CSMD1: variants seen among roughly 807,000 people sequenced by gnomAD.
CSMD1 encodes the protein CUB and Sushi multiple domains 1.
CSMD1 carries 213 observed loss-of-function variants against 417.5 expected under a neutral mutation model. That is an observed-to-expected ratio of 0.51 (90% CI 0.46 to 0.57). CSMD1 has a LOEUF of 0.57. Ranked by LOEUF, CSMD1 falls within the 20% of genes least tolerant of loss-of-function variation. CSMD1 has a pLI of 0.00. For missense variants in CSMD1, 6,923 were observed against 4,529.7 expected (o/e 1.53, Z -15.17); for synonymous variants, 2,862 against 1,736.8 (o/e 1.65, Z -16.11).
intron 25 of CSMD1, among the ~76,000 whole-genome samples, chr8:3,300,505 C>T (rs1055992822): frequency 1.3e-5 from 2 of 152,058 alleles, no homozygotes; most frequent in African/African-American, 4.8e-5. Context: ...AAATGACTGA[C>T]TCTGCTTTAT....
At chr8:3,962,621 G>C (rs1323028148) in intron 5 of CSMD1, among the ~76,000 whole-genome samples, 1 of 152,124 alleles carries the variant, frequency 6.6e-6, no homozygotes, top group Non-Finnish European at 1.5e-5. Context: ...AGGATCATTG[G>C]CTGAAAAGGA....
chr8:3,311,391 A>AGCTG (rs1563258960), intron 23 of CSMD1, among the ~76,000 whole-genome samples: 1 of 152,110 alleles, frequency 6.6e-6, no homozygotes, highest in African/African-American at 2.4e-5. Flanking sequence ...CTGGGACTAT[A>AGCTG]AGTGCGAGCC....
intron 6 of CSMD1, among the ~76,000 whole-genome samples, chr8:3,715,812 G>T (rs1257295677): frequency 6.6e-6 from 1 of 152,134 alleles, no homozygotes; most frequent in Non-Finnish European, 1.5e-5. Flanking sequence ...CAAAGTGCTG[G>T]GATTGCAGGC....
At chr8:3,533,955 G>C (rs1239086187) in intron 10 of CSMD1, among the ~76,000 whole-genome samples, 3 of 152,094 alleles carry the variant, frequency 2.0e-5, no homozygotes, top group South Asian at 4.2e-4. Context: ...AAGGATAAGA[G>C]GGCACATGAA....
chr8:4,287,728 CACA>C (rs1416645580), intron 3 of CSMD1, among the ~76,000 whole-genome samples: 2 of 151,270 alleles, frequency 1.3e-5, no homozygotes, highest in Non-Finnish European at 2.9e-5. Context: ...TAGCAAGTTA[CACA>C]ACATCACACA....
chr8:3,129,183 G>C (rs562047629), intron 41 of CSMD1, among the ~76,000 whole-genome samples: 4 of 152,274 alleles, frequency 2.6e-5, no homozygotes, highest in African/African-American at 9.6e-5. Flanking sequence ...AATATTTCCA[G>C]ACTCTGCTAT....
At chr8:3,630,704 C>A (rs1286811964) in intron 7 of CSMD1, among the ~76,000 whole-genome samples, 1 of 146,888 alleles carries the variant, frequency 6.8e-6, no homozygotes, top group East Asian at 2.3e-4. Flanking sequence ...GGTTTGCTTC[C>A]AAGAATTGAG....
chr8:3,484,361 G>C (rs569362799), intron 11 of CSMD1, among the ~76,000 whole-genome samples: 1 of 152,148 alleles, frequency 6.6e-6, no homozygotes, highest in Non-Finnish European at 1.5e-5. Flanking sequence ...AAATGCTACT[G>C]AACAGTTGGA....
chr8:3,656,526 G>A (rs1394155284), intron 7 of CSMD1, among the ~76,000 whole-genome samples: 5 of 152,162 alleles, frequency 3.3e-5, no homozygotes, highest in Non-Finnish European at 7.3e-5. Context: ...CTTCTAATCC[G>A]CAAAATAATG....
chr8:3,004,200 G>T (rs1008598229), intron 52 of CSMD1, among the ~76,000 whole-genome samples: 2 of 152,132 alleles, frequency 1.3e-5, no homozygotes, highest in Admixed American at 1.3e-4. Flanking sequence ...ACACTATGAT[G>T]CCAGAGCCCA....
At chr8:4,750,908 T>C (rs1323146264) in intron 1 of CSMD1, among the ~76,000 whole-genome samples, 1 of 152,208 alleles carries the variant, frequency 6.6e-6, no homozygotes, top group Non-Finnish European at 1.5e-5. Flanking sequence ...GTCTTACTAA[T>C]TTGGATAGCT....
In CSMD1 at chr8:4,203,664, C is replaced by G. The variant is rs373931685; in HGVS notation, c.416-171565G>C. Among the ~76,000 whole-genome samples, 378 of 152,158 alleles carry G rather than the reference C, an allele frequency of 2.5e-3. 2 individuals are homozygous for G. Among genetic ancestry groups the G allele is most frequent in the African/African-American group, 8.4e-3 (347 of 41,502 alleles). ...CTACACACATTGGAAGTTGGTTCCT[C>G]TCCTGGCCATTTGTAAGTAGGGATC... On this transcript the variant is annotated intron_variant, in intron 3 of 69. Coordinates refer to ENST00000635120, the MANE Select transcript of CSMD1 (RefSeq NM_033225.6).
At chr8:4,871,593 A>G (rs1802743339) in intron 1 of CSMD1, among the ~76,000 whole-genome samples, 1 of 152,156 alleles carries the variant, frequency 6.6e-6, no homozygotes, top group East Asian at 1.9e-4. Context: ...CAAAGATCAA[A>G]TGGTTTTCAT....
At chr8:3,900,107 T>C (rs982139972) in intron 5 of CSMD1, among the ~76,000 whole-genome samples, 1 of 151,892 alleles carries the variant, frequency 6.6e-6, no homozygotes, top group Non-Finnish European at 1.5e-5. Context: ...TGCAGCTGGT[T>C]GGCACTGTAG....
intron 3 of CSMD1, among the ~76,000 whole-genome samples, chr8:4,321,862 GA>G (rs763676758): frequency 6.6e-6 from 1 of 152,024 alleles, no homozygotes; most frequent in Non-Finnish European, 1.5e-5. Flanking sequence ...TCATTCAGAA[GA>G]AATGAATAAA....
At chr8:4,932,490 T>C (rs1381901123) in intron 1 of CSMD1, among the ~76,000 whole-genome samples, 1 of 152,216 alleles carries the variant, frequency 6.6e-6, no homozygotes, top group African/African-American at 2.4e-5. Flanking sequence ...TTAAGGCCTA[T>C]TTCAATTAAA....
rs1799215521 is a variant in CSMD1, at chr8:4,320,566, TTC to T, written c.415+99385_415+99386del. ...ATGTTCCCCTCCCTGTGTCCATGTGTTCTCTTTGTTCAACTCCCACTTATGAG... is the reference window on the plus strand; with the variant it reads ...ATGTTCCCCTCCCTGTGTCCATGTGTTCTTTGTTCAACTCCCACTTATGAG... On this transcript the variant is annotated intron_variant, in intron 3 of 69. Coordinates refer to ENST00000635120, the MANE Select transcript of CSMD1 (RefSeq NM_033225.6). Among the ~76,000 whole-genome samples, 3 of 152,088 alleles carry T rather than the reference TTC, an allele frequency of 2.0e-5. No homozygotes were observed. The South Asian group carries it at 6.2e-4, about 32-fold the overall frequency.
intron 1 of CSMD1, among the ~76,000 whole-genome samples, chr8:4,907,706 A>C (rs1354964267): frequency 6.8e-6 from 1 of 147,570 alleles, no homozygotes; most frequent in Non-Finnish European, 1.5e-5. Flanking sequence ...CCACAGGCAC[A>C]TGCCACTATC....
intron 23 of CSMD1, among the ~76,000 whole-genome samples, chr8:3,331,180 G>A (rs1806869545): frequency 6.7e-6 from 1 of 150,362 alleles, no homozygotes; most frequent in Non-Finnish European, 1.5e-5. Context: ...GGAGCTTGCA[G>A]TGAGCCGAGA....
Sources: gnomAD v4.1 joint callset for allele counts (sites outside exome capture counted in the v4.1 genomes callset) on GRCh38, gnomAD v4.1.1 for gene constraint, MANE v1.5 for transcripts, NCBI Gene and HGNC (gene_info 2026-07-23, HGNC 2026-07-21) for gene names.